The following ANKS1A variants were observed in gnomAD, a reference collection of about 807,000 sequenced individuals.
ANKS1A encodes ankyrin repeat and SAM domain-containing protein 1A.
Under a neutral mutation model 120.3 loss-of-function variants are expected in ANKS1A, and 55 were observed. The ratio of observed to expected loss-of-function variants is 0.46; its 90% confidence interval spans 0.37 to 0.57. The LOEUF (loss-of-function observed/expected upper bound fraction) is 0.57, where lower values mean the gene tolerates loss of function less well. Among genes scored for constraint, ANKS1A ranks in the 20% least tolerant of loss-of-function variants. The pLI, the probability that ANKS1A is intolerant of heterozygous loss-of-function variation, is 0.00. For synonymous variants in ANKS1A, 590 were observed against 604.7 expected, an observed-to-expected ratio of 0.98 and a Z score of 0.36; for missense variants, 1,123 against 1,480.3, an observed-to-expected ratio of 0.76 and a Z score of 3.96.
chr6:34,927,061 G>A (rs1768752375), intron 1 of ANKS1A, among the ~76,000 whole-genome samples: 1 of 152,198 alleles, frequency 6.6e-6, no homozygotes, highest in African/African-American at 2.4e-5. Context: ...AATTCCATCA[G>A]ATAGTTGTAA....
intron 1 of ANKS1A, among the ~76,000 whole-genome samples, chr6:34,942,684 A>AT (rs556264133): frequency 1.4e-3 from 204 of 144,814 alleles, no homozygotes; most frequent in East Asian, 0.013. Flanking sequence ...CCTGATACTG[A>AT]TTTTTTTTTT....
At position 35,016,667 on chromosome 6, in the gene ANKS1A, A is replaced by G. The variant is rs193074367; in HGVS notation, c.1424-806A>G. ...CTGCAAATGTCTCCTGGCATTGACA[A>G]ATTAGACCATTTTGTTTTCAGTGGA... On this transcript the variant is annotated intron_variant, in intron 10 of 23. Transcript: ENST00000360359. Among the ~76,000 whole-genome samples the G allele has an allele frequency of 2.0e-5, 3 of 152,200 alleles. No homozygotes were observed. In the East Asian group the frequency reaches 5.8e-4, roughly 29 times the overall value.
At chr6:35,009,902 TAAAAAAAAAAAAA>T (rs530605297) in intron 10 of ANKS1A, 135 of 78,446 alleles carry the variant, frequency 1.7e-3, no homozygotes, top group African/African-American at 9.0e-3. Flanking sequence ...AGACTCTGTC[TAAAAAAAAAAAAA>T]AAAAAAAAAA....
intron 1 of ANKS1A, among the ~76,000 whole-genome samples, chr6:34,947,480 G>A (rs769616437): frequency 2.0e-5 from 3 of 152,014 alleles, no homozygotes; most frequent in Non-Finnish European, 4.4e-5. Context: ...CGTCTCTTGT[G>A]CTTCTGAAAT....
chr6:34,963,470 G>T (rs1223966865), intron 1 of ANKS1A, among the ~76,000 whole-genome samples: 1 of 152,104 alleles, frequency 6.6e-6, no homozygotes, highest in Non-Finnish European at 1.5e-5. Context: ...CTTTCCTAAG[G>T]AAAGTATGTC....
intron 13 of ANKS1A, among the ~76,000 whole-genome samples, chr6:35,076,008 C>T (rs1777335067): frequency 6.6e-6 from 1 of 152,194 alleles, no homozygotes. Context: ...GATCCTCCCA[C>T]CTCACCTTGG....
At chr6:34,965,541 G>A (rs904603125) in intron 1 of ANKS1A, among the ~76,000 whole-genome samples, 2 of 151,940 alleles carry the variant, frequency 1.3e-5, no homozygotes, top group African/African-American at 4.8e-5. Flanking sequence ...TAGTAGAGAC[G>A]AGTTTCCCTA....
chr6:34,934,806 T>A (rs1769168420), intron 1 of ANKS1A, among the ~76,000 whole-genome samples: 1 of 152,184 alleles, frequency 6.6e-6, no homozygotes, highest in Non-Finnish European at 1.5e-5. Flanking sequence ...CTAGTCTTAT[T>A]CCCCTCTCTT....
intron 1 of ANKS1A, among the ~76,000 whole-genome samples, chr6:34,897,716 G>A (rs906356098): frequency 2.2e-4 from 33 of 152,108 alleles, no homozygotes; most frequent in African/African-American, 7.0e-4. Flanking sequence ...GAAATTATAT[G>A]GTATGTCTTC....
At chr6:35,083,900 TG>T (rs1777819998) in intron 20 of ANKS1A, among the ~76,000 whole-genome samples, 1 of 152,154 alleles carries the variant, frequency 6.6e-6, no homozygotes, top group Admixed American at 6.5e-5. Flanking sequence ...TGGTTGGGTG[TG>T]AACATTTTAC....
At chr6:35,049,520 T>C (rs974830545) in intron 11 of ANKS1A, among the ~76,000 whole-genome samples, 2 of 151,920 alleles carry the variant, frequency 1.3e-5, no homozygotes, top group Non-Finnish European at 2.9e-5. Flanking sequence ...CAGTGCCGAG[T>C]GGAAGAGGCG....
chr6:34,927,020 G>A lies in ANKS1A; in HGVS notation c.197+37421G>A, dbSNP rs1768751282. Among the ~76,000 whole-genome samples, 4 of 152,172 alleles carry A rather than the reference G, an allele frequency of 2.6e-5. No individual in the cohort carries two copies. In the South Asian group the frequency reaches 8.3e-4, roughly 31 times the overall value. ...ACCTTGGGCCAGTTAACCTATCTGT[G>A]CCTCAGTTTGTCCATTTGTGAAATG... On this transcript the variant is annotated intron_variant, in intron 1 of 23. Coordinates refer to ENST00000360359, the MANE Select transcript of ANKS1A (RefSeq NM_015245.3).
intron 1 of ANKS1A, among the ~76,000 whole-genome samples, chr6:34,930,636 G>T (rs149500930): frequency 6.6e-6 from 1 of 152,062 alleles, no homozygotes; most frequent in Non-Finnish European, 1.5e-5. Context: ...TCTCTGTTCT[G>T]CTTGTTTCTG....
chr6:34,977,615 G>A (rs143281563), intron 3 of ANKS1A, among the ~76,000 whole-genome samples: 10 of 152,218 alleles, frequency 6.6e-5, no homozygotes. Context: ...GGTTTGTTGA[G>A]TTTGATTGGC....
chr6:34,915,502 G>C (rs990082405), intron 1 of ANKS1A, among the ~76,000 whole-genome samples: 15 of 152,070 alleles, frequency 9.9e-5, no homozygotes, highest in African/African-American at 3.4e-4. Context: ...GAGTACCACC[G>C]CACTCGACTA....
rs1422910419 is a variant in ANKS1A, at chr6:34,988,464, C to T, written c.1210-760C>T. ...ACAAAAAATTAGCCAGGCGTGGTGG[C>T]GGGCACCTGTAGTCCCAGCTACTCG... On this transcript the variant is annotated intron_variant, in intron 8 of 23. Coordinates refer to ENST00000360359, the MANE Select transcript of ANKS1A (RefSeq NM_015245.3). Among the ~76,000 whole-genome samples the T allele has an allele frequency of 5.9e-5, 9 of 152,178 alleles. No individual in the cohort carries two copies. The East Asian group carries it at 1.4e-3, about 23-fold the overall frequency.
intron 8 of ANKS1A, among the ~76,000 whole-genome samples, chr6:34,987,829 G>A (rs1477666100): frequency 6.6e-6 from 1 of 152,230 alleles, no homozygotes; most frequent in East Asian, 1.9e-4. Context: ...TTGACTTTCT[G>A]AAATACTCCT....
At chr6:35,009,159 C>G (rs1440602565) in intron 10 of ANKS1A, among the ~76,000 whole-genome samples, 2 of 152,066 alleles carry the variant, frequency 1.3e-5, no homozygotes, top group Non-Finnish European at 2.9e-5. Flanking sequence ...ATTGGTTAGA[C>G]TGGGAGAGAC....
chr6:34,907,774 C>T (rs1767711701), intron 1 of ANKS1A, among the ~76,000 whole-genome samples: 1 of 152,232 alleles, frequency 6.6e-6, no homozygotes, highest in Non-Finnish European at 1.5e-5. Flanking sequence ...CCTCTGCCAC[C>T]TACCAGTTGG....
Sources: allele counts gnomAD v4.1 joint callset (sites outside exome capture counted in the v4.1 genomes callset), GRCh38; gene constraint gnomAD v4.1.1; transcripts MANE v1.5; gene names NCBI Gene and HGNC (gene_info 2026-07-23, HGNC 2026-07-21).